KRT86: variants seen among roughly 807,000 people sequenced by gnomAD.
The protein encoded by KRT86 is keratin 86, also known as keratin, type II cuticular Hb6.
Under a neutral mutation model 41.2 loss-of-function variants are expected in KRT86, and 30 were observed. The observed-to-expected ratio is 0.73, with a 90% CI of 0.54 to 0.99. The LOEUF (loss-of-function observed/expected upper bound fraction) is 0.99, where lower values mean the gene tolerates loss of function less well. KRT86 is among the 50% of genes least tolerant of loss of function. The pLI is 0.00. For missense variants in KRT86, 561 were observed against 571.4 expected (o/e 0.98, Z 0.19); for synonymous variants, 238 against 238.1 (o/e 1.00, Z 0.00).
chr12:52,305,261 C>G lies in KRT86; in HGVS notation c.757C>G (p.His253Asp). 2.5e-6 allele frequency: 4 copies of G among 1,614,194 alleles called. No individual in the cohort carries two copies. Among genetic ancestry groups the G allele is most frequent in the Non-Finnish European group, 3.4e-6 (4 of 1,180,032 alleles). ...YEEEIRVLQS[H>D]ISDTSVVVKL... The stretch of plus-strand genomic sequence containing the variant: ...GCAGGAGATCCGCGTTCTCCAGTCC[C>G]ACATCTCAGACACCTCCGTGGTTGT... The change falls in exon 7 of 11, where the codon CAC becomes GAC. Residue 253 changes from histidine to aspartate, a missense_variant. Physicochemically the swap from His to Asp is moderately conservative, Grantham distance 81. Around this residue, in one of 3 missense-constraint regions of KRT86, gnomAD observed 397 missense variants for 375.9 expected, o/e 1.06. Coordinates refer to ENST00000423955, the MANE Select transcript of KRT86 (RefSeq NM_001320198.2).
intron 3 of KRT86, among the ~76,000 whole-genome samples, chr12:52,302,892 C>A: frequency 7.1e-6 from 1 of 141,648 alleles, no homozygotes; most frequent in South Asian, 2.5e-4. Context: ...CACCACCCAG[C>A]CCTTGCTCCA....
At chr12:52,293,793 A>G (rs747784692) in intron 2 of KRT86, among the ~76,000 whole-genome samples, 37 of 152,200 alleles carry the variant, frequency 2.4e-4, no homozygotes, top group Admixed American at 2.0e-4. Flanking sequence ...ATTAGCTCGT[A>G]AAGTACAGAG....
rs573924729 is a variant in KRT86 at position 52,276,717 on chromosome 12, A to G, written c.-5+771A>G. Reference sequence around the variant, plus strand: ...CAGCTAGGCCTCTGCAAGCACTTGCATTTGTGAGCCTTAGAAAGGAGCTAG... The same window carrying G: ...CAGCTAGGCCTCTGCAAGCACTTGCGTTTGTGAGCCTTAGAAAGGAGCTAG... On this transcript the variant is annotated intron_variant, in intron 2 of 10. Transcript: ENST00000423955. 5.3e-5 allele frequency among the ~76,000 whole-genome samples: 8 copies of G among 152,294 alleles called. No homozygotes were observed. In the South Asian group the frequency reaches 1.4e-3, roughly 28 times the overall value.
At chr12:52,279,332 A>G (rs1937715913) in intron 2 of KRT86, among the ~76,000 whole-genome samples, 1 of 152,112 alleles carries the variant, frequency 6.6e-6, no homozygotes, top group South Asian at 2.1e-4. Context: ...ACCCCACATC[A>G]TCTTTCCTTT....
intron 2 of KRT86, among the ~76,000 whole-genome samples, chr12:52,282,980 C>A (rs1229133733): frequency 6.6e-6 from 1 of 152,230 alleles, no homozygotes; most frequent in East Asian, 1.9e-4. Flanking sequence ...TCGCAGTTAC[C>A]TCTAGGCATT....
At chr12:52,288,280 C>T in intron 2 of KRT86, 2 of 1,604,958 alleles carry the variant, frequency 1.2e-6, no homozygotes, top group Non-Finnish European at 1.7e-6. Flanking sequence ...GCAACCTCTA[C>T]CCACATCCTG....
intron 2 of KRT86, among the ~76,000 whole-genome samples, chr12:52,299,416 G>A (rs1938321261): frequency 6.6e-6 from 1 of 152,194 alleles, no homozygotes; most frequent in Non-Finnish European, 1.5e-5. Context: ...TGGGAGTGCA[G>A]ACATCTCTTT....
Position 52,283,968 on chromosome 12 carries a change from A to G in KRT86, c.-5+8022A>G, listed in dbSNP as rs534978394. ...AATGGGAACCTAGAGGGAGGTGAGG[A>G]TTGTGGGGCCGGAGTAGGAAGGAAG... On this transcript the variant is annotated intron_variant, in intron 2 of 10. Transcript: ENST00000423955. Among the ~76,000 whole-genome samples the G allele has an allele frequency of 7.2e-5, 11 of 152,162 alleles. 2 individuals are homozygous for G. The South Asian group carries it at 8.3e-4, about 11-fold the overall frequency.
rs60612575 is a variant in KRT86 at position 52,302,269 on chromosome 12, C to T, written c.353C>T (p.Ala118Val). 34 of 774,796 alleles carry T rather than the reference C, an allele frequency of 4.4e-5. No individual in the cohort carries two copies. Among genetic ancestry groups the T allele is most frequent in the Middle Eastern group, 3.6e-4 (1 of 2,742 alleles). The allele number at this position is 774,796 out of a possible 1,614,324, so 48.0% of individuals were successfully genotyped here. ...EQIKSLNSRF[A>V]AFIDKVRFLE... ...ATCAAGTCCCTCAACAGCAGGTTCG[C>T]GGCCTTCATCGACAAGGTGGGTGTC... is the stretch of plus-strand genomic sequence containing the variant. The change falls in exon 3 of 11, where the codon GCG becomes GTG. Residue 118 changes from alanine (A) to valine (V), a missense_variant. Ala to Val is a moderately conservative substitution (Grantham distance 64). Coordinates refer to ENST00000423955, the MANE Select transcript of KRT86 (RefSeq NM_001320198.2).
Position 52,300,509 on chromosome 12 carries a change from C to T in KRT86, c.-4-1404C>T, listed in dbSNP as rs17655636. On this transcript the variant is annotated intron_variant, in intron 2 of 10. Transcript: ENST00000423955. ...GCAGTAGTAGGAGGGAAAGCCTTAA[C>T]CTATTTCCCAGGAGAGTCAAGTGCC... is the stretch of plus-strand genomic sequence containing the variant. Among the ~76,000 whole-genome samples, 5 of 152,056 alleles carry T rather than the reference C, an allele frequency of 3.3e-5. 1 individual carries two copies. The East Asian group carries it at 5.8e-4, about 18-fold the overall frequency.
At chr12:52,306,312 C>T (rs752937148) in intron 9 of KRT86, 32 bp downstream of exon 9, 4 of 1,612,932 alleles carry the variant, frequency 2.5e-6, no homozygotes, top group East Asian at 4.5e-5. Flanking sequence ...CTTTCCCAGC[C>T]CTGCCAGGGT....
At position 52,288,111 on chromosome 12, in the gene KRT86, G is replaced by T. The variant is rs373083957; in HGVS notation, c.-5+12165G>T. ...GCTGTTGTCCAGCTTGACAACCACGGAGGTGTCTGAGATGTGCGACTGGAG... is the reference window on the plus strand; with the variant it reads ...GCTGTTGTCCAGCTTGACAACCACGTAGGTGTCTGAGATGTGCGACTGGAG... On this transcript the variant is annotated intron_variant, in intron 2 of 10. Coordinates refer to ENST00000423955, the MANE Select transcript of KRT86 (RefSeq NM_001320198.2). 1.9e-6 allele frequency: 3 copies of T among 1,614,034 alleles called. No individual in the cohort carries two copies. The African/African-American group carries it at 4.0e-5, about 22-fold the overall frequency.
chr12:52,302,841 TGGGGGGG>T (rs71092757), intron 3 of KRT86, among the ~76,000 whole-genome samples: 1 of 127,146 alleles, frequency 7.9e-6, no homozygotes, highest in African/African-American at 2.9e-5. Flanking sequence ...GGGTGGGGGG[TGGGGGGG>T]GGGTCACTCA....
chr12:52,308,121 C>T (rs1938558549), intron 9 of KRT86, 112 bp from the exon 10 acceptor site: 2 of 1,441,690 alleles, frequency 1.4e-6, no homozygotes, highest in Admixed American at 1.8e-5. Flanking sequence ...TTTCTTGCCC[C>T]TTCCCTTGGG....
At chr12:52,299,774 T>C (rs1938331577) in intron 2 of KRT86, among the ~76,000 whole-genome samples, 1 of 152,236 alleles carries the variant, frequency 6.6e-6, no homozygotes, top group Non-Finnish European at 1.5e-5. Context: ...CTTTTGCCCA[T>C]TTTAAAATCA....
chr12:52,295,813 A>G (rs1000833401), intron 2 of KRT86, among the ~76,000 whole-genome samples: 2 of 152,190 alleles, frequency 1.3e-5, no homozygotes, highest in Non-Finnish European at 2.9e-5. Context: ...TAATGGAGCC[A>G]TCAAAGCTTG....
intron 2 of KRT86, among the ~76,000 whole-genome samples, chr12:52,296,679 C>G (rs1158196021): frequency 6.6e-6 from 1 of 152,226 alleles, no homozygotes; most frequent in Non-Finnish European, 1.5e-5. Flanking sequence ...CCCAATCACC[C>G]ACCCAACTGG....
intron 2 of KRT86, chr12:52,286,394 T>C (rs1278188997): frequency 6.4e-7 from 1 of 1,555,342 alleles, no homozygotes; most frequent in Non-Finnish European, 8.7e-7. Context: ...CACCGCCACG[T>C]TCCCGTTGCA....
At chr12:52,308,091 C>T (rs1565751321) in intron 9 of KRT86, 142 bp from the exon 10 acceptor site, 1 of 1,076,884 alleles carries the variant, frequency 9.3e-7, no homozygotes, top group Non-Finnish European at 1.4e-6. Context: ...CGAGTCTACA[C>T]TGGCTCCTGG....
Sources: gnomAD v4.1 joint callset for allele counts (sites outside exome capture counted in the v4.1 genomes callset) on GRCh38, gnomAD v4.1.1 for gene constraint, gnomAD v4.1.1 regional missense constraint, MANE v1.5 for transcripts, NCBI Gene and HGNC (gene_info 2026-07-23, HGNC 2026-07-21) for gene names.